Variants in NUP37 observed in about 807,000 individuals in gnomAD.
NUP37 encodes nucleoporin Nup37.
NUP37 carries 33 observed loss-of-function variants against 45.4 expected under a neutral mutation model. That is an observed-to-expected ratio of 0.73 (90% CI 0.55 to 0.97). The LOEUF (loss-of-function observed/expected upper bound fraction) is 0.97, where lower values mean the gene tolerates loss of function less well. NUP37 is among the 50% of genes least tolerant of loss of function. NUP37 has a pLI of 0.00. For missense variants in NUP37, 365 were observed against 389.7 expected, an observed-to-expected ratio of 0.94 and a Z score of 0.53; for synonymous variants, 127 against 130.7, an observed-to-expected ratio of 0.97 and a Z score of 0.19.
At chr12:102,097,722 T>C (rs2136736291) in intron 5 of NUP37, among the ~76,000 whole-genome samples, 1 of 152,282 alleles carries the variant, frequency 6.6e-6, no homozygotes, top group South Asian at 2.1e-4. Flanking sequence ...AATCTATGTT[T>C]TAAAGAGCTG....
chr12:102,082,309 A>C (rs11111153), intron 6 of NUP37, among the ~76,000 whole-genome samples: 45,983 of 151,778 alleles, frequency 0.3, 7,340 homozygotes, highest in East Asian at 0.42. Flanking sequence ...ATGAACTCAT[A>C]TCTTTCTTCT....
At chr12:102,075,212 G>A (rs1163825861) in intron 8 of NUP37, 118 bp from the exon 9 acceptor site, 2 of 584,992 alleles carry the variant, frequency 3.4e-6, no homozygotes, top group Non-Finnish European at 5.8e-6. Context: ...GTCTTGCTCT[G>A]TCACCCAGGC....
chr12:102,079,176 C>G, intron 6 of NUP37: 1 of 455,576 alleles, frequency 2.2e-6, no homozygotes, highest in Non-Finnish European at 4.4e-6. Flanking sequence ...CTGAGCTGTA[C>G]CATTTAAACC....
chr12:102,075,939 C>G (rs1879154569), intron 8 of NUP37, among the ~76,000 whole-genome samples: 6 of 151,688 alleles, frequency 4.0e-5, no homozygotes. Context: ...CTGGAACTCT[C>G]ACAGCCATCT....
intron 3 of NUP37, among the ~76,000 whole-genome samples, chr12:102,102,979 A>G (rs1880018282): frequency 5.9e-5 from 9 of 152,152 alleles, no homozygotes; most frequent in Admixed American, 5.9e-4. Context: ...TGTTAGTACC[A>G]TGCTGTCTTG....
chr12:102,084,376 T>G (rs1482341836), intron 6 of NUP37, among the ~76,000 whole-genome samples: 3 of 152,136 alleles, frequency 2.0e-5, no homozygotes, highest in African/African-American at 7.2e-5. Context: ...GCCGGTACGG[T>G]GGCTCACAAC....
intron 2 of NUP37, among the ~76,000 whole-genome samples, chr12:102,114,783 C>T (rs1289876675): frequency 6.6e-6 from 1 of 152,218 alleles, no homozygotes; most frequent in African/African-American, 2.4e-5. Flanking sequence ...CAACCCCTCT[C>T]TGAACACTTC....
At chr12:102,092,821 A>C (rs1209997069) in intron 5 of NUP37, among the ~76,000 whole-genome samples, 2 of 152,164 alleles carry the variant, frequency 1.3e-5, no homozygotes, top group Non-Finnish European at 2.9e-5. Context: ...AGCTAGGCAA[A>C]AGCCTTAAAG....
chr12:102,098,650 G>A lies in NUP37; in HGVS notation c.449+456C>T, dbSNP rs187802180. On this transcript the variant is annotated intron_variant, in intron 5 of 9. Coordinates refer to ENST00000552283, the MANE Select transcript of NUP37 (RefSeq NM_024057.4). ...AGGTTCAAGCGATTCCCTTGCCTCA[G>A]TCCCCCGAGTAGCTGGAATCACAAG... Among the ~76,000 whole-genome samples, 33 of 151,924 alleles carry A rather than the reference G, an allele frequency of 2.2e-4. No individual in the cohort carries two copies. In the East Asian group the frequency reaches 4.7e-3, roughly 21 times the overall value.
chr12:102,081,829 G>A (rs766658934), intron 6 of NUP37, among the ~76,000 whole-genome samples: 11 of 151,986 alleles, frequency 7.2e-5, no homozygotes, highest in Non-Finnish European at 1.5e-4. Context: ...GAGTAGCTGG[G>A]ACTACGGTCG....
Position 102,099,217 on chromosome 12 carries a change from C to G in NUP37, c.355-17G>C, listed in dbSNP as rs1421632635. 1.3e-6 allele frequency: 2 copies of G among 1,557,912 alleles called. No individual in the cohort carries two copies. The highest frequency in any genetic ancestry group is 1.8e-6 in the Non-Finnish European group (2 of 1,129,278). Reference sequence around the variant, plus strand: ...CTCTAAAACCTGACAGAAAGAGAAACAGAAAGCTTAGCAAGAAAACAGAAA... The same window carrying G: ...CTCTAAAACCTGACAGAAAGAGAAAGAGAAAGCTTAGCAAGAAAACAGAAA... On this transcript the variant is annotated splice_polypyrimidine_tract_variant and intron_variant, in intron 4 of 9. Coordinates refer to ENST00000552283, the MANE Select transcript of NUP37 (RefSeq NM_024057.4).
intron 3 of NUP37, among the ~76,000 whole-genome samples, chr12:102,105,222 T>C (rs950211672): frequency 6.6e-6 from 1 of 152,210 alleles, no homozygotes; most frequent in Admixed American, 6.5e-5. Context: ...TATATATTTA[T>C]ACATTGCACA....
intron 9 of NUP37, 133 bp from the exon 10 acceptor site, chr12:102,074,600 T>TA (rs1290061214): frequency 5.0e-6 from 3 of 605,606 alleles, no homozygotes; most frequent in Non-Finnish European, 8.6e-6. Context: ...ATATGCTCCC[T>TA]TACAGGTGAA....
intron 3 of NUP37, among the ~76,000 whole-genome samples, chr12:102,102,452 T>C (rs961763184): frequency 2.6e-5 from 4 of 152,232 alleles, no homozygotes; most frequent in African/African-American, 9.6e-5. Flanking sequence ...TTTTAAAATA[T>C]AACTGTTTTC....
chr12:102,074,621 T>C, intron 9 of NUP37, 154 bp from the exon 10 acceptor site: 1 of 571,816 alleles, frequency 1.7e-6, no homozygotes, highest in Non-Finnish European at 3.1e-6. Flanking sequence ...ATACACATTA[T>C]TGATACGCAG....
Position 102,075,087 on chromosome 12 carries a change from T to C in NUP37, c.781A>G (p.Thr261Ala). Residue 261 changes from threonine (T) to alanine (A), a missense_variant, in exon 9 of 10, where the codon ACA becomes GCA. Coordinates refer to ENST00000552283, the MANE Select transcript of NUP37 (RefSeq NM_024057.4). ...MDRACLFRWS[T>A]ISENLFATTG... ...GTTGCAAACAGATTTTCACTAATTG[T>C]GGACCACCTAAGAAATAAGGAAGCG... 6.2e-7 allele frequency: 1 copy of C among 1,607,076 alleles called. No homozygotes were observed. Among genetic ancestry groups the C allele is most frequent in the South Asian group, 1.1e-5 (1 of 90,344 alleles).
chr12:102,087,818 A>G (rs1879515274), intron 5 of NUP37, among the ~76,000 whole-genome samples: 2 of 152,144 alleles, frequency 1.3e-5, no homozygotes, highest in African/African-American at 4.8e-5. Context: ...TATTTTCATG[A>G]TTTTTTTCTT....
intron 1 of NUP37, chr12:102,119,284 G>C (rs1020992155): frequency 6.6e-6 from 1 of 152,218 alleles, no homozygotes; most frequent in Non-Finnish European, 1.5e-5. Context: ...CGGAGGGAGA[G>C]CATCAGGATA....
At chr12:102,116,297 C>G (rs1880460235) in intron 2 of NUP37, among the ~76,000 whole-genome samples, 1 of 152,168 alleles carries the variant, frequency 6.6e-6, no homozygotes, top group South Asian at 2.1e-4. Context: ...TTTGCGAATA[C>G]AATCCTATGT....
Sources: gnomAD v4.1 joint callset for allele counts (sites outside exome capture counted in the v4.1 genomes callset) on GRCh38, gnomAD v4.1.1 for gene constraint, MANE v1.5 for transcripts, NCBI Gene and HGNC (gene_info 2026-07-23, HGNC 2026-07-21) for gene names.